Variants in DSCAM observed in about 807,000 individuals in gnomAD.
DSCAM encodes the protein DS cell adhesion molecule.
A neutral mutation model predicts 217.7 loss-of-function variants in DSCAM; 47 were observed. The ratio of observed to expected loss-of-function variants is 0.22; its 90% CI spans 0.17 to 0.28. The LOEUF is 0.28. Among genes scored for constraint, DSCAM ranks in the 10% least tolerant of loss-of-function variants. The pLI is 1.00. For synonymous variants in DSCAM, 1,056 were observed against 1,015.3 expected (o/e 1.04, Z -0.76); for missense variants, 2,080 against 2,618.3 (o/e 0.79, Z 4.49).
intron 3 of DSCAM, among the ~76,000 whole-genome samples, chr21:40,624,496 C>T (rs1351128704): frequency 6.6e-6 from 1 of 152,130 alleles, no homozygotes; most frequent in African/African-American, 2.4e-5. Flanking sequence ...AGTAGGAAAA[C>T]AGAGCAGCCT....
intron 3 of DSCAM, among the ~76,000 whole-genome samples, chr21:40,507,483 C>T (rs2076219075): frequency 6.6e-6 from 1 of 152,146 alleles, no homozygotes; most frequent in East Asian, 1.9e-4. Flanking sequence ...GTCCATCTTA[C>T]ATTTGTGAAT....
chr21:40,686,241 C>T (rs1387690764), intron 3 of DSCAM, among the ~76,000 whole-genome samples: 1 of 148,988 alleles, frequency 6.7e-6, no homozygotes, highest in African/African-American at 2.5e-5. Context: ...AGCTCACACA[C>T]CACACACAGC....
chr21:40,019,987 TCTTTC>T, intron 32 of DSCAM, among the ~76,000 whole-genome samples: 1 of 152,184 alleles, frequency 6.6e-6, no homozygotes, highest in East Asian at 1.9e-4. Flanking sequence ...TTCCCTCCAT[TCTTTC>T]CTTTATTTTC....
In DSCAM at chr21:40,442,810, G is replaced by A. The variant is rs141150146; in HGVS notation, c.509-73565C>T. On this transcript the variant is annotated intron_variant, in intron 3 of 32. Coordinates refer to ENST00000400454, the MANE Select transcript of DSCAM (RefSeq NM_001389.5). ...CAGACGTGAGCCACCATGCCTGGCCGAGTTAATTTTTTATTAATGTTTAGA... is the reference window on the plus strand; with the variant it reads ...CAGACGTGAGCCACCATGCCTGGCCAAGTTAATTTTTTATTAATGTTTAGA... 1.3e-3 allele frequency among the ~76,000 whole-genome samples: 199 copies of A among 152,074 alleles called. 1 individual carries two copies. The highest frequency in any genetic ancestry group is 2.3e-3 in the Non-Finnish European group (156 of 67,982).
intron 10 of DSCAM, among the ~76,000 whole-genome samples, chr21:40,291,751 A>G (rs1032163563): frequency 3.3e-5 from 5 of 152,084 alleles, no homozygotes; most frequent in African/African-American, 9.7e-5. Flanking sequence ...ACTACTCCCC[A>G]TTGTCCTCCA....
At chr21:40,156,317 GA>G (rs2090477859) in intron 16 of DSCAM, among the ~76,000 whole-genome samples, 1 of 150,260 alleles carries the variant, frequency 6.7e-6, no homozygotes, top group African/African-American at 2.4e-5. Flanking sequence ...GAGAGAGAGA[GA>G]GAGAGAGAGA....
rs1440913364 is a variant in DSCAM at position 40,846,625 on chromosome 21, C to T, written c.37G>A (p.Ala13Thr). The change falls in exon 1 of 33, where the codon GCG becomes ACG. Residue 13 changes from alanine to threonine, a missense_variant. Transcript: ENST00000400454. ...CACAAACCGAAAGGCTCACCATTCG[C>T]GAAGCTCTGGAACAAGGAGAGAGCC... ...ILALSLFQSF[A>T]NVFSEDLHSS... 4.4e-6 allele frequency: 6 copies of T among 1,348,518 alleles called. No homozygotes were observed. The highest frequency in any genetic ancestry group is 5.7e-6 in the Non-Finnish European group (6 of 1,044,366). 83.5% of individuals were successfully genotyped at this position (1,348,518 alleles called of 1,614,324 possible). A position where few individuals can be genotyped will look rare whatever the true frequency, so the allele number is the denominator to read the frequency against.
intron 1 of DSCAM, among the ~76,000 whole-genome samples, chr21:40,763,714 C>G (rs2091359342): frequency 6.6e-6 from 1 of 152,174 alleles, no homozygotes; most frequent in South Asian, 2.1e-4. Context: ...TCTACCATAA[C>G]CAAAACAGCA....
At chr21:40,660,676 T>C (rs568655182) in intron 3 of DSCAM, among the ~76,000 whole-genome samples, 3 of 152,224 alleles carry the variant, frequency 2.0e-5, no homozygotes, top group East Asian at 3.9e-4. Flanking sequence ...TACTTTTAGA[T>C]AGCTATCTAA....
intron 1 of DSCAM, among the ~76,000 whole-genome samples, chr21:40,715,955 T>C (rs1302484411): frequency 6.6e-6 from 1 of 152,188 alleles, no homozygotes; most frequent in African/African-American, 2.4e-5. Context: ...ACAAGAAACA[T>C]TGCTTAATTA....
intron 3 of DSCAM, among the ~76,000 whole-genome samples, chr21:40,432,591 T>C (rs2075545142): frequency 6.6e-6 from 1 of 152,218 alleles, no homozygotes; most frequent in Non-Finnish European, 1.5e-5. Flanking sequence ...GGATTCAACA[T>C]CTTTGGTGAA....
chr21:40,187,757 A>G, intron 13 of DSCAM, 134 bp downstream of exon 13: 1 of 818,782 alleles, frequency 1.2e-6, no homozygotes, highest in East Asian at 2.6e-5. Context: ...CACTGACATT[A>G]TACATATTCA....
chr21:40,377,494 G>T (rs904483195), intron 3 of DSCAM, among the ~76,000 whole-genome samples: 4 of 152,084 alleles, frequency 2.6e-5, no homozygotes, highest in African/African-American at 4.8e-5. Flanking sequence ...GATTCTGAGG[G>T]ACCTATGGGG....
At chr21:40,778,700 G>T (rs1428212691) in intron 1 of DSCAM, among the ~76,000 whole-genome samples, 1 of 152,068 alleles carries the variant, frequency 6.6e-6, no homozygotes, top group African/African-American at 2.4e-5. Context: ...CAAAAGTAAG[G>T]TGTGAAAAGA....
At chr21:40,834,920 C>T (rs1167710022) in intron 1 of DSCAM, among the ~76,000 whole-genome samples, 1 of 152,328 alleles carries the variant, frequency 6.6e-6, no homozygotes, top group Non-Finnish European at 1.5e-5. Flanking sequence ...GACTGCTCCT[C>T]CATTTCTTGC....
At chr21:40,664,947 C>G (rs2090183787) in intron 3 of DSCAM, among the ~76,000 whole-genome samples, 1 of 152,082 alleles carries the variant, frequency 6.6e-6, no homozygotes, top group Non-Finnish European at 1.5e-5. Flanking sequence ...CACAGGAGAT[C>G]TGGTTGTTTA....
chr21:40,768,476 G>C (rs536248914), intron 1 of DSCAM, among the ~76,000 whole-genome samples: 35 of 152,302 alleles, frequency 2.3e-4, no homozygotes, highest in South Asian at 1.9e-3. Flanking sequence ...TTCACTAACC[G>C]AAAGCATTCT....
In DSCAM at chr21:40,846,729, GGCTCC is replaced by G; in HGVS notation, c.-73_-69del. 1.2e-6 allele frequency: 1 copy of G among 801,254 alleles called. No individual in the cohort carries two copies. Among genetic ancestry groups the G allele is most frequent in the Non-Finnish European group, 1.5e-6 (1 of 650,326 alleles). 49.6% of individuals were successfully genotyped at this position (801,254 alleles called of 1,614,324 possible). A position where few individuals can be genotyped will look rare whatever the true frequency, so the allele number is the denominator to read the frequency against. On this transcript the variant is annotated 5_prime_UTR_variant, in exon 1 of 33. Coordinates refer to ENST00000400454, the MANE Select transcript of DSCAM (RefSeq NM_001389.5). ...TCGCCCCCCGCGCTCCGCCCGGCCC[GGCTCC>G]GCTCGCCGCTCGGCACCTGCCCGGG...
chr21:40,460,680 GA>G (rs2075798990), intron 3 of DSCAM, among the ~76,000 whole-genome samples: 1 of 152,134 alleles, frequency 6.6e-6, no homozygotes, highest in African/African-American at 2.4e-5. Flanking sequence ...AATTGAAAAG[GA>G]AATATGATTG....
Sources: allele counts gnomAD v4.1 joint callset (sites outside exome capture counted in the v4.1 genomes callset), GRCh38; gene constraint gnomAD v4.1.1; transcripts MANE v1.5; gene names NCBI Gene and HGNC (gene_info 2026-07-23, HGNC 2026-07-21).